The following FDXR variants were observed in gnomAD, a reference collection of about 807,000 sequenced individuals.
FDXR encodes the protein ferredoxin reductase.
A neutral mutation model predicts 58.3 loss-of-function variants in FDXR; 38 were observed. The ratio of observed to expected loss-of-function variants is 0.65; its 90% CI spans 0.50 to 0.85. FDXR has a LOEUF of 0.85. FDXR is among the 40% of genes least tolerant of loss of function. The probability of loss-of-function intolerance (pLI) is 0.00; values close to 1 mark genes in which losing one functional copy is unlikely to be tolerated. For synonymous variants in FDXR, 275 were observed against 273.8 expected, an observed-to-expected ratio of 1.00 and a Z score of -0.04; for missense variants, 624 against 671.0, an observed-to-expected ratio of 0.93 and a Z score of 0.77.
In FDXR at chr17:74,866,888, C is replaced by A; in HGVS notation, c.178-12G>T. 6.2e-7 allele frequency: 1 copy of A among 1,612,762 alleles called. No homozygotes were observed. The highest frequency in any genetic ancestry group is 8.5e-7 in the Non-Finnish European group (1 of 1,179,406). On this transcript the variant is annotated splice_polypyrimidine_tract_variant and intron_variant, in intron 2 of 11. Transcript: ENST00000293195. ...TGGGCCTGGGGGTGCTGCTGGGGAA[C>A]AGGGTGGCAGCTGGTGGGGCCGAGA...
At chr17:74,870,817 T>C (rs1312203801) in intron 2 of FDXR, among the ~76,000 whole-genome samples, 4 of 146,066 alleles carry the variant, frequency 2.7e-5, no homozygotes, top group Non-Finnish European at 6.0e-5. Context: ...TTTTTTTTTT[T>C]TTTGAGACAG....
chr17:74,866,104 G>A, intron 5 of FDXR, 27 bp downstream of exon 5: 2 of 1,514,958 alleles, frequency 1.3e-6, no homozygotes, highest in Non-Finnish European at 1.8e-6. Flanking sequence ...GGGAGGAAGA[G>A]GCAGCGGGCG....
At chr17:74,866,991 C>T in intron 2 of FDXR, 115 bp from the exon 3 acceptor site, 1 of 1,515,398 alleles carries the variant, frequency 6.6e-7, no homozygotes. Context: ...GCTGAGAACA[C>T]AAGGCTTCCA....
At position 74,866,862 on chromosome 17, in the gene FDXR, G is replaced by A. The variant is rs759821475; in HGVS notation, c.192C>T (p.His64=). 23 of 1,613,942 alleles carry A rather than the reference G, an allele frequency of 1.4e-5. No individual in the cohort carries two copies. The highest frequency in any genetic ancestry group is 2.7e-5 in the African/African-American group (2 of 74,934). ...AQHLLKHPQA[H]VDIYEKQPVP... ...CAGGCTGTTTCTCGTAGATGTCCAC[G>A]TGGGCCTGGGGGTGCTGCTGGGGAA... The change falls in exon 3 of 12, where the codon CAC becomes CAT. Residue 64 remains histidine (H), a synonymous_variant. Transcript: ENST00000293195.
intron 2 of FDXR, chr17:74,868,633 A>G: frequency 6.5e-7 from 1 of 1,535,556 alleles, no homozygotes; most frequent in South Asian, 1.2e-5. Flanking sequence ...CGGAACGCTA[A>G]GTCTGCCGGA....
At chr17:74,871,562 G>T (rs538140968) in intron 2 of FDXR, among the ~76,000 whole-genome samples, 1 of 152,330 alleles carries the variant, frequency 6.6e-6, no homozygotes, top group South Asian at 2.1e-4. Context: ...GAAGGGGGAG[G>T]GGCAGAGGGC....
At position 74,866,484 on chromosome 17, in the gene FDXR, C is replaced by T. The variant is rs894527866; in HGVS notation, c.355G>A (p.Val119Met). The T allele has an allele frequency of 6.2e-7, 1 of 1,613,682 alleles. No homozygotes were observed. The change falls in exon 4 of 12, where the codon GTG becomes ATG. Residue 119 changes from valine (V) to methionine (M), a missense_variant. Transcript: ENST00000293195. ...TGGTAGGCCTCCTGCAGCTCCGGCA[C>T]CGTCACGTCCCTGCCCACCTCCACG... ...GNVEVGRDVT[V>M]PELQEAYHAV...
In FDXR at chr17:74,872,963, G is replaced by T; in HGVS notation, c.-19C>A. 1.3e-6 allele frequency: 2 copies of T among 1,548,618 alleles called. No homozygotes were observed. The highest frequency in any genetic ancestry group is 1.7e-6 in the Non-Finnish European group (2 of 1,146,284). On this transcript the variant is annotated 5_prime_UTR_variant, in exon 1 of 12. Coordinates refer to ENST00000293195, the MANE Select transcript of FDXR (RefSeq NM_024417.5). ...AAGCCATGGCTGGGAGCAGCAACCT[G>T]CAAGTGGATCTGTTCCTAGCTACTG...
rs35692345 is a variant in FDXR, at chr17:74,864,903, C to T, written c.638G>A (p.Gly213Asp). The part of the protein sequence containing the change: ...ERTDITKAAL[G>D]VLRQSRVKTV... ...CTTCACTCGACTCTGCCTCAGTACA[C>T]CCAGGGCTGCCTTCGTGATGTCCGT... is the stretch of plus-strand genomic sequence containing the variant. The change falls in exon 7 of 12, where the codon GGT (glycine) becomes GAT (aspartate). Residue 213 changes from glycine to aspartate, a missense_variant. By Grantham distance (94) the Gly-to-Asp change is moderately conservative. Coordinates refer to ENST00000293195, the MANE Select transcript of FDXR (RefSeq NM_024417.5). 1 of 1,614,166 alleles carries T rather than the reference C, an allele frequency of 6.2e-7. No individual in the cohort carries two copies. Among genetic ancestry groups the T allele is most frequent in the Non-Finnish European group, 8.5e-7 (1 of 1,180,002 alleles).
intron 1 of FDXR, 129 bp from the exon 2 acceptor site, chr17:74,872,262 TTCC>T: frequency 1.3e-6 from 2 of 1,539,702 alleles, no homozygotes; most frequent in Non-Finnish European, 1.7e-6. Context: ...CCTTCTCTTG[TTCC>T]TCAAGGCTTT....
At position 74,864,320 on chromosome 17, in the gene FDXR, G is replaced by A. The variant is rs767942793; in HGVS notation, c.830C>T (p.Thr277Met). Residue 277 changes from threonine (T) to methionine (M), a missense_variant, in exon 9 of 12, where the codon ACG becomes ATG. Thr to Met is a moderately conservative substitution (Grantham distance 81, BLOSUM62 -1). Coordinates refer to ENST00000293195, the MANE Select transcript of FDXR (RefSeq NM_024417.5). ...TGTGGCCGTTCGAAGCAGCAGTTCC[G>A]TCAGCCGCTTCCTCGGGCGGGGGAC... The part of the protein sequence containing the change: ...KEVPRPRKRL[T>M]ELLLRTATEK... 42 of 1,579,366 alleles carry A rather than the reference G, an allele frequency of 2.7e-5. No homozygotes were observed. The highest frequency in any genetic ancestry group is 6.8e-5 in the East Asian group (3 of 44,372).
In FDXR at chr17:74,872,391, T is replaced by G; in HGVS notation, c.80-258A>C. On this transcript the variant is annotated intron_variant, in intron 1 of 11. Coordinates refer to ENST00000293195, the MANE Select transcript of FDXR (RefSeq NM_024417.5). ...CTGCCAATGGCCTGCCCAACAACAC[T>G]TCATTCCCTATCCAATCGGCTAGAA... The G allele has an allele frequency of 3.4e-6, 3 of 878,946 alleles. No individual in the cohort carries two copies. The Admixed American group carries it at 7.9e-5, about 23-fold the overall frequency. 54.4% of individuals were successfully genotyped at this position (878,946 alleles called of 1,614,324 possible). A position where few individuals can be genotyped will look rare whatever the true frequency, so the allele number is the denominator to read the frequency against.
rs893525436 is a variant in FDXR at position 74,863,339 on chromosome 17, A to C, written c.1175-93T>G. The C allele has an allele frequency of 6.4e-6, 8 of 1,241,344 alleles. No individual in the cohort carries two copies. The Admixed American group carries it at 1.0e-4, about 16-fold the overall frequency. 76.9% of individuals were successfully genotyped at this position (1,241,344 alleles called of 1,614,324 possible). The stretch of plus-strand genomic sequence containing the variant: ...ACAATCTACACCCACGTGCACGCAC[A>C]CAGACACCCCACGCCTCTTGGCAGA... On this transcript the variant is annotated intron_variant, in intron 10 of 11. Coordinates refer to ENST00000293195, the MANE Select transcript of FDXR (RefSeq NM_024417.5).
chr17:74,866,715 G>A (rs942530553), intron 3 of FDXR, 69 bp downstream of exon 3: 1 of 1,592,488 alleles, frequency 6.3e-7, no homozygotes, highest in East Asian at 2.2e-5. Flanking sequence ...TCCAGCCAGG[G>A]AGCCTCCCTG....
At chr17:74,871,996 G>T in intron 2 of FDXR, 40 bp downstream of exon 2, 1 of 1,470,938 alleles carries the variant, frequency 6.8e-7, no homozygotes, top group South Asian at 1.3e-5. Context: ...CTTAGGACTG[G>T]AGCAGCAGGT....
chr17:74,870,090 A>G (rs2038320974), intron 2 of FDXR: 11 of 393,008 alleles, frequency 2.8e-5, no homozygotes, highest in South Asian at 1.9e-4. Context: ...CACAGCCAGT[A>G]GCTTGGAGCT....
rs1996710 is a variant in FDXR at position 74,865,023 on chromosome 17, A to G, written c.610-92T>C. 298,387 of 1,583,120 alleles carry G rather than the reference A, an allele frequency of 0.19. 28,704 individuals are homozygous for G. Among genetic ancestry groups the G allele is most frequent in the African/African-American group, 0.25 (18,563 of 74,370 alleles). On this transcript the variant is annotated intron_variant, in intron 6 of 11. Transcript: ENST00000293195. ...CATGTCCCCACCGTGGGCCTGGAGA[A>G]GGCTGGCGGCTCAAAATTGCGCCAC...
At chr17:74,872,455 T>G (rs1244724804) in intron 1 of FDXR, 3 of 659,310 alleles carry the variant, frequency 4.6e-6, no homozygotes, top group Non-Finnish European at 7.7e-6. Flanking sequence ...CATCCCAATC[T>G]CGCCCCCGTG....
intron 2 of FDXR, 132 bp from the exon 3 acceptor site, chr17:74,867,008 G>C (rs1166380796): frequency 2.0e-6 from 3 of 1,486,448 alleles, no homozygotes. Context: ...TCCACCCTCT[G>C]CAAGGAAAAA....
Sources: allele counts gnomAD v4.1 joint callset (sites outside exome capture counted in the v4.1 genomes callset), GRCh38; gene constraint gnomAD v4.1.1; transcripts MANE v1.5; gene names NCBI Gene and HGNC (gene_info 2026-07-23, HGNC 2026-07-21).